Variants in TPR observed in about 807,000 individuals in gnomAD.
TPR encodes the protein nucleoprotein TPR.
Under a neutral mutation model 316.1 loss-of-function variants are expected in TPR, and 51 were observed. The observed-to-expected ratio is 0.16, with a 90% confidence interval of 0.13 to 0.20. The LOEUF is 0.20. Among genes scored for constraint, TPR ranks in the 10% least tolerant of loss-of-function variants. The pLI, the probability that TPR is intolerant of heterozygous loss-of-function variation, is 1.00. For missense variants in TPR, 2,272 were observed against 2,754.8 expected, an observed-to-expected ratio of 0.82 and a Z score of 3.92; for synonymous variants, 981 against 914.7, an observed-to-expected ratio of 1.07 and a Z score of -1.31.
In TPR at chr1:186,361,926, T is replaced by C. The variant is rs1040512371; in HGVS notation, c.790-57A>G. On this transcript the variant is annotated intron_variant, in intron 7 of 50. Coordinates refer to ENST00000367478, the MANE Select transcript of TPR (RefSeq NM_003292.3). ...CTTTGAACTAAATTTAGAATGCTTA[T>C]CAAATGACAAGATGAAAAATTCCAT... 25 of 1,525,612 alleles carry C rather than the reference T, an allele frequency of 1.6e-5. No individual in the cohort carries two copies. In the African/African-American group the frequency reaches 3.2e-4, roughly 20 times the overall value. The allele number at this position is 1,525,612 out of a possible 1,614,324, so 94.5% of individuals were successfully genotyped here. A position where few individuals can be genotyped will look rare whatever the true frequency, so the allele number is the denominator to read the frequency against.
intron 5 of TPR, 134 bp downstream of exon 5, chr1:186,363,208 T>A: frequency 1.0e-6 from 1 of 971,126 alleles, no homozygotes; most frequent in Non-Finnish European, 1.5e-6. Context: ...ATTGTCCTAA[T>A]GCTTAATTTT....
chr1:186,312,470 C>A lies in TPR; in HGVS notation c.*1501G>T. The stretch of plus-strand genomic sequence containing the variant: ...TTATGAAATATGGATACTGATCAAA[C>A]AGCCCTAATAATTTAAGCTTACTGA... On this transcript the variant is annotated 3_prime_UTR_variant, in exon 51 of 51. Coordinates refer to ENST00000367478, the MANE Select transcript of TPR (RefSeq NM_003292.3). The A allele has an allele frequency of 8.5e-7, 1 of 1,182,958 alleles. No homozygotes were observed. The highest frequency in any genetic ancestry group is 1.2e-6 in the Non-Finnish European group (1 of 840,956). The allele number at this position is 1,182,958 out of a possible 1,614,324, so 73.3% of individuals were successfully genotyped here.
intron 14 of TPR, among the ~76,000 whole-genome samples, chr1:186,357,041 G>A (rs2101980765): frequency 6.6e-6 from 1 of 152,016 alleles, no homozygotes; most frequent in African/African-American, 2.4e-5. Flanking sequence ...GCACTGTTAG[G>A]AACACATAGA....
At chr1:186,372,998 C>A (rs1423813684) in intron 2 of TPR, among the ~76,000 whole-genome samples, 1 of 152,164 alleles carries the variant, frequency 6.6e-6, no homozygotes, top group East Asian at 1.9e-4. Context: ...AATGCTTTCA[C>A]CTTTTTAAAA....
chr1:186,328,319 C>T lies in TPR; in HGVS notation c.5689-659G>A, dbSNP rs191606801. On this transcript the variant is annotated intron_variant, in intron 39 of 50. Coordinates refer to ENST00000367478, the MANE Select transcript of TPR (RefSeq NM_003292.3). ...CATGTAATTTTAAATTTGTTAGTAG[C>T]CACTTAAAAACAGGTGATTAATAAT... Among the ~76,000 whole-genome samples the T allele has an allele frequency of 6.0e-4, 91 of 152,132 alleles. No individual in the cohort carries two copies. The East Asian group carries it at 0.014, about 23-fold the overall frequency.
In TPR at chr1:186,320,423, A is replaced by G; in HGVS notation, c.6462-5T>C. 1 of 1,602,260 alleles carries G rather than the reference A, an allele frequency of 6.2e-7. No individual in the cohort carries two copies. Among genetic ancestry groups the G allele is most frequent in the Non-Finnish European group, 8.5e-7 (1 of 1,173,882 alleles). Reference sequence around the variant, plus strand: ...ACACCAGCAACCTGCGGCGAACTAAATGGACAAAAACTAATTTAAGATGAA... The same window carrying G: ...ACACCAGCAACCTGCGGCGAACTAAGTGGACAAAAACTAATTTAAGATGAA... On this transcript the variant is annotated splice_region_variant and splice_polypyrimidine_tract_variant and intron_variant, in intron 45 of 50. Transcript: ENST00000367478.
rs766993414 is a variant in TPR at position 186,327,596 on chromosome 1, AT to A, written c.5752del (p.Ile1918Ter). 1 of 1,612,922 alleles carries A rather than the reference AT, an allele frequency of 6.2e-7. No homozygotes were observed. ...DSEETSQSLQ[I>X]DLGPLQSDQQ... ...ATCTGATTGAAGTGGCCCAAGATCT[AT>A]TTGTAGAGACTGAGAGGTTTCTTCA... On this transcript the variant is annotated frameshift_variant, in exon 40 of 51. Transcript: ENST00000367478. LOFTEE classifies it high-confidence loss of function.
chr1:186,316,018 G>T (rs1432949886), intron 49 of TPR, among the ~76,000 whole-genome samples: 1 of 150,994 alleles, frequency 6.6e-6, no homozygotes, highest in Non-Finnish European at 1.5e-5. Flanking sequence ...CTCAGATGGG[G>T]GAAGTACAGT....
Position 186,326,251 on chromosome 1 carries a change from C to T in TPR, c.5890-16G>A. ...CTTCATAATCCTAGTAGAAAGTTCC[C>T]CAGGCATAAATAAAAGTTTAGAATA... is the stretch of plus-strand genomic sequence containing the variant. On this transcript the variant is annotated splice_polypyrimidine_tract_variant and intron_variant, in intron 40 of 50. Coordinates refer to ENST00000367478, the MANE Select transcript of TPR (RefSeq NM_003292.3). 1 of 1,594,376 alleles carries T rather than the reference C, an allele frequency of 6.3e-7. No individual in the cohort carries two copies. The highest frequency in any genetic ancestry group is 8.5e-7 in the Non-Finnish European group (1 of 1,170,462).
intron 3 of TPR, among the ~76,000 whole-genome samples, chr1:186,369,182 G>T (rs1659444711): frequency 6.6e-6 from 1 of 152,126 alleles, no homozygotes; most frequent in Admixed American, 6.5e-5. Flanking sequence ...CATGAAGTAT[G>T]ATGCCTCCAA....
At chr1:186,339,839 G>A in intron 29 of TPR, 67 bp from the exon 30 acceptor site, 1 of 1,343,380 alleles carries the variant, frequency 7.4e-7, no homozygotes, top group South Asian at 1.5e-5. Flanking sequence ...ATAATAAAAT[G>A]GCAGAATATC....
chr1:186,369,784 C>G (rs368757937), intron 3 of TPR, among the ~76,000 whole-genome samples: 101 of 152,210 alleles, frequency 6.6e-4, no homozygotes, highest in African/African-American at 2.3e-3. Flanking sequence ...ATACTGAATA[C>G]AAGTGGTGAG....
At chr1:186,328,390 T>C (rs760279593) in intron 39 of TPR, among the ~76,000 whole-genome samples, 3 of 152,170 alleles carry the variant, frequency 2.0e-5, no homozygotes, top group Non-Finnish European at 2.9e-5. Flanking sequence ...ATGTAATCAA[T>C]GTAAAAATTA....
Position 186,375,113 on chromosome 1 carries a change from C to T in TPR, c.-85G>A, listed in dbSNP as rs184235137. On this transcript the variant is annotated 5_prime_UTR_variant, in exon 1 of 51. Transcript: ENST00000367478. ...GCGAAGACCAGCAGGACCCAGACGCCTGGGCCGCCGCCTCTATCACCTCGC... is the reference window on the plus strand; with the variant it reads ...GCGAAGACCAGCAGGACCCAGACGCTTGGGCCGCCGCCTCTATCACCTCGC... The T allele has an allele frequency of 7.9e-4, 1,235 of 1,571,226 alleles. 12 individuals carry two copies. In the African/African-American group the frequency reaches 0.015, roughly 19 times the overall value.
intron 39 of TPR, among the ~76,000 whole-genome samples, chr1:186,330,434 G>T (rs1658125199): frequency 6.6e-6 from 1 of 152,048 alleles, no homozygotes; most frequent in Non-Finnish European, 1.5e-5. Flanking sequence ...CTGTCTTTGT[G>T]TCCTGTAGTT....
chr1:186,312,672 G>T lies in TPR; in HGVS notation c.*1299C>A. The T allele has an allele frequency of 7.7e-7, 1 of 1,306,674 alleles. No homozygotes were observed. Among genetic ancestry groups the T allele is most frequent in the Non-Finnish European group, 1.1e-6 (1 of 905,100 alleles). 80.9% of individuals were successfully genotyped at this position (1,306,674 alleles called of 1,614,324 possible). A position where few individuals can be genotyped will look rare whatever the true frequency, so the allele number is the denominator to read the frequency against. On this transcript the variant is annotated 3_prime_UTR_variant, in exon 51 of 51. Coordinates refer to ENST00000367478, the MANE Select transcript of TPR (RefSeq NM_003292.3). ...TAACCCTCAATAGTTCTACATCAGA[G>T]GGCTAAAACTGAGATTAAAACTCAG...
chr1:186,359,899 A>G lies in TPR; in HGVS notation c.1289T>C (p.Val430Ala). ...TTTCAAAATTGGTGCTTTGGCTTCC[A>G]CTTCTTTCACTATTTCATCTAGGTA... ...NKYLDEIVKE[V>A]EAKAPILKRQ... Residue 430 changes from valine (V) to alanine (A), a missense_variant, in exon 12 of 51, where the codon GTG becomes GCG. Physicochemically the swap from Val to Ala is moderately conservative, Grantham distance 64. Coordinates refer to ENST00000367478, the MANE Select transcript of TPR (RefSeq NM_003292.3). The G allele has an allele frequency of 6.2e-7, 1 of 1,607,410 alleles. No homozygotes were observed. Among genetic ancestry groups the G allele is most frequent in the Non-Finnish European group, 8.5e-7 (1 of 1,178,352 alleles).
intron 1 of TPR, among the ~76,000 whole-genome samples, chr1:186,374,099 T>C (rs1322615090): frequency 6.6e-6 from 1 of 152,188 alleles, no homozygotes; most frequent in African/African-American, 2.4e-5. Flanking sequence ...AAGTAAAAAC[T>C]TGTTCAGAAT....
At chr1:186,347,115 T>G (rs1053623374) in intron 22 of TPR, among the ~76,000 whole-genome samples, 177 bp downstream of exon 22, 7 of 152,306 alleles carry the variant, frequency 4.6e-5, no homozygotes, top group Admixed American at 3.3e-4. Flanking sequence ...CCTTGCTTCA[T>G]GAATTTTGTG....
Sources: gnomAD v4.1 joint callset for allele counts (sites outside exome capture counted in the v4.1 genomes callset) on GRCh38, gnomAD v4.1.1 for gene constraint, MANE v1.5 for transcripts, NCBI Gene and HGNC (gene_info 2026-07-23, HGNC 2026-07-21) for gene names.